The following ITGA8 variants were observed in gnomAD, a reference collection of about 807,000 sequenced individuals.
The protein encoded by ITGA8 is integrin alpha-8.
In ITGA8, 91 loss-of-function variants were observed where a neutral mutation model predicts 142.3. The ratio of observed to expected loss-of-function variants is 0.64; its 90% CI spans 0.54 to 0.76. ITGA8 has a LOEUF of 0.76. Among genes scored for constraint, ITGA8 ranks in the 30% least tolerant of loss-of-function variants. The pLI, the probability that ITGA8 is intolerant of heterozygous loss-of-function variation, is 0.00. For missense variants in ITGA8, 1,406 were observed against 1,327.7 expected, an observed-to-expected ratio of 1.06 and a Z score of -0.92; for synonymous variants, 505 against 485.2, an observed-to-expected ratio of 1.04 and a Z score of -0.54.
At chr10:15,716,500 C>T (rs1835454155) in intron 2 of ITGA8, among the ~76,000 whole-genome samples, 1 of 151,972 alleles carries the variant, frequency 6.6e-6, no homozygotes, top group African/African-American at 2.4e-5. Flanking sequence ...CTAGTTTGTC[C>T]CCTACTGTTT....
chr10:15,528,140 T>C (rs1430528100), intron 28 of ITGA8, among the ~76,000 whole-genome samples: 1 of 152,076 alleles, frequency 6.6e-6, no homozygotes, highest in African/African-American at 2.4e-5. Flanking sequence ...CTCACTATGT[T>C]GCCTAGGCTA....
At chr10:15,645,147 A>G (rs2131649044) in intron 12 of ITGA8, among the ~76,000 whole-genome samples, 1 of 151,852 alleles carries the variant, frequency 6.6e-6, no homozygotes, top group South Asian at 2.1e-4. Context: ...TTTTTGTAGA[A>G]AATAAAGATA....
At chr10:15,707,501 C>G (rs187012982) in intron 2 of ITGA8, among the ~76,000 whole-genome samples, 1 of 151,932 alleles carries the variant, frequency 6.6e-6, no homozygotes, top group Non-Finnish European at 1.5e-5. Flanking sequence ...CCAGGGAGAC[C>G]CATTTTAGAC....
intron 13 of ITGA8, among the ~76,000 whole-genome samples, chr10:15,621,144 C>A (rs574811373): frequency 6.7e-6 from 1 of 149,174 alleles, no homozygotes; most frequent in South Asian, 2.1e-4. Flanking sequence ...CTTTGCCTTT[C>A]TCTATACATA....
intron 23 of ITGA8, among the ~76,000 whole-genome samples, chr10:15,583,585 G>A (rs921765985): frequency 3.9e-5 from 6 of 152,160 alleles, no homozygotes; most frequent in African/African-American, 1.2e-4. Context: ...TCTCAAGTGC[G>A]TTAGGTTAGG....
At chr10:15,554,975 G>A (rs901138096) in intron 26 of ITGA8, among the ~76,000 whole-genome samples, 5 of 152,172 alleles carry the variant, frequency 3.3e-5, no homozygotes, top group Middle Eastern at 3.4e-3. Context: ...ATGGATTTCC[G>A]TTCTACAGAT....
chr10:15,597,979 T>C (rs1266023819), intron 20 of ITGA8, among the ~76,000 whole-genome samples: 1 of 152,216 alleles, frequency 6.6e-6, no homozygotes, highest in Non-Finnish European at 1.5e-5. Flanking sequence ...AATACAGATT[T>C]GTTCTGGAAC....
At chr10:15,623,646 A>G (rs1268517031) in intron 13 of ITGA8, among the ~76,000 whole-genome samples, 2 of 152,222 alleles carry the variant, frequency 1.3e-5, no homozygotes, top group Non-Finnish European at 2.9e-5. Context: ...AGACTGCAGC[A>G]CTGCACTCCA....
Position 15,558,056 on chromosome 10 carries a change from C to A in ITGA8, c.2766+18G>T. Reference sequence around the variant, plus strand: ...GCCACTCATTTCCCTCAGTTCTATGCACACTGGGATAACTCACCAGTATTT... The same window carrying A: ...GCCACTCATTTCCCTCAGTTCTATGAACACTGGGATAACTCACCAGTATTT... On this transcript the variant is annotated intron_variant, in intron 26 of 29. Transcript: ENST00000378076. 1 of 1,613,348 alleles carries A rather than the reference C, an allele frequency of 6.2e-7. No individual in the cohort carries two copies. The highest frequency in any genetic ancestry group is 1.1e-5 in the South Asian group (1 of 91,058).
At position 15,694,295 on chromosome 10, in the gene ITGA8, CAT is replaced by C. The variant is rs1431534546; in HGVS notation, c.344-6259_344-6258del. 2.9e-4 allele frequency among the ~76,000 whole-genome samples: 36 copies of C among 123,992 alleles called. 1 individual carries two copies. Among genetic ancestry groups the C allele is most frequent in the South Asian group, 1.4e-3 (6 of 4,294 alleles). The allele number at this position is 123,992 out of a possible 152,430, so 81.3% of individuals were successfully genotyped here. A position where few individuals can be genotyped will look rare whatever the true frequency, so the allele number is the denominator to read the frequency against. On this transcript the variant is annotated intron_variant, in intron 2 of 29. Coordinates refer to ENST00000378076, the MANE Select transcript of ITGA8 (RefSeq NM_003638.3). The stretch of plus-strand genomic sequence containing the variant: ...ATATATCATACATCAGATAATATAT[CAT>C]ATATATGATAATATATCATATATAT...
chr10:15,585,670 A>T (rs1227957350), intron 23 of ITGA8, among the ~76,000 whole-genome samples: 2 of 152,150 alleles, frequency 1.3e-5, no homozygotes, highest in Non-Finnish European at 2.9e-5. Flanking sequence ...ATGAAGTCCA[A>T]TTTCATGCAA....
intron 25 of ITGA8, among the ~76,000 whole-genome samples, chr10:15,565,570 C>T (rs1834062202): frequency 1.0e-5 from 1 of 97,248 alleles, no homozygotes; most frequent in Non-Finnish European, 2.2e-5. Context: ...CTTTCATGTC[C>T]TGATTTTTTT....
intron 20 of ITGA8, among the ~76,000 whole-genome samples, chr10:15,601,484 G>A (rs1833103260): frequency 6.6e-6 from 1 of 152,128 alleles, no homozygotes. Context: ...TAAAAGGTCT[G>A]GAGATGGACA....
chr10:15,553,302 G>GTTTTTTTTT (rs5783451), intron 26 of ITGA8, among the ~76,000 whole-genome samples: 1 of 131,140 alleles, frequency 7.6e-6, no homozygotes, highest in African/African-American at 2.7e-5. Context: ...AGTTGCCATA[G>GTTTTTTTTT]TTTTTTTTTT....
At chr10:15,707,747 T>A (rs889467211) in intron 2 of ITGA8, among the ~76,000 whole-genome samples, 1 of 150,422 alleles carries the variant, frequency 6.6e-6, no homozygotes, top group Non-Finnish European at 1.5e-5. Flanking sequence ...TGCTTGAACC[T>A]GGGAGGTGGA....
intron 28 of ITGA8, 93 bp from the exon 29 acceptor site, chr10:15,519,505 G>C: frequency 7.5e-7 from 1 of 1,333,932 alleles, no homozygotes; most frequent in Non-Finnish European, 1.1e-6. Context: ...AAGTTGATCT[G>C]AAAGGATCCA....
chr10:15,603,560 C>A (rs1221203142), intron 20 of ITGA8, among the ~76,000 whole-genome samples: 1 of 152,170 alleles, frequency 6.6e-6, no homozygotes, highest in Non-Finnish European at 1.5e-5. Flanking sequence ...ATTAAGGACA[C>A]TGCAGAACTG....
intron 2 of ITGA8, among the ~76,000 whole-genome samples, chr10:15,703,886 C>T (rs1160854638): frequency 6.6e-6 from 1 of 152,066 alleles, no homozygotes; most frequent in African/African-American, 2.4e-5. Flanking sequence ...CACATGAGTC[C>T]TTATTTTGAA....
At chr10:15,587,457 G>A (rs972186061) in intron 22 of ITGA8, among the ~76,000 whole-genome samples, 2 of 152,222 alleles carry the variant, frequency 1.3e-5, no homozygotes, top group Non-Finnish European at 2.9e-5. Flanking sequence ...GCTCTGGGAT[G>A]CATCATACCA....
Sources: allele counts gnomAD v4.1 joint callset (sites outside exome capture counted in the v4.1 genomes callset), GRCh38; gene constraint gnomAD v4.1.1; transcripts MANE v1.5; gene names NCBI Gene and HGNC (gene_info 2026-07-23, HGNC 2026-07-21).